JARID2: variants seen among roughly 807,000 people sequenced by gnomAD.
The protein encoded by JARID2 is jumonji and AT-rich interaction domain containing 2.
JARID2 carries 21 observed loss-of-function variants against 125.6 expected under a neutral mutation model. That is an observed-to-expected ratio of 0.17 (90% confidence interval 0.12 to 0.24). The LOEUF (loss-of-function observed/expected upper bound fraction) is 0.24, where lower values mean the gene tolerates loss of function less well. Among genes scored for constraint, JARID2 ranks in the 10% least tolerant of loss-of-function variants. The probability of loss-of-function intolerance (pLI) is 1.00; values close to 1 mark genes in which losing one functional copy is unlikely to be tolerated. For missense variants in JARID2, 1,303 were observed against 1,639.6 expected, an observed-to-expected ratio of 0.79 and a Z score of 3.55; for synonymous variants, 736 against 661.6, an observed-to-expected ratio of 1.11 and a Z score of -1.73.
chr6:15,503,173 G>A (rs952686696), intron 8 of JARID2, among the ~76,000 whole-genome samples: 5 of 152,352 alleles, frequency 3.3e-5, no homozygotes, highest in South Asian at 4.1e-4. Flanking sequence ...GGTAGGGACC[G>A]TGAGCACGCA....
chr6:15,487,673 C>CA lies in JARID2; in HGVS notation c.906+132dup, dbSNP rs557333370. 22 of 791,194 alleles carry CA rather than the reference C, an allele frequency of 2.8e-5. 1 individual carries two copies. The South Asian group carries it at 3.9e-4, about 14-fold the overall frequency. The allele number at this position is 791,194 out of a possible 1,614,324, so 49.0% of individuals were successfully genotyped here. On this transcript the variant is annotated intron_variant, in intron 6 of 17. Transcript: ENST00000341776. The stretch of plus-strand genomic sequence containing the variant: ...TGCCCAGAAGCAAGACAGGGACAGA[C>CA]AGAGCGCACCTTTGCATGAGCTGCA...
At chr6:15,287,369 AAT>A (rs1192013945) in intron 1 of JARID2, among the ~76,000 whole-genome samples, 10 of 152,336 alleles carry the variant, frequency 6.6e-5, no homozygotes, top group Non-Finnish European at 1.2e-4. Flanking sequence ...GTGATATGGT[AAT>A]ATGTTTCTTT....
chr6:15,493,148 C>CTA (rs1770238022), intron 6 of JARID2, among the ~76,000 whole-genome samples: 1 of 151,900 alleles, frequency 6.6e-6, no homozygotes, highest in Non-Finnish European at 1.5e-5. Flanking sequence ...AGGCCTTACA[C>CTA]TCTTATTTGA....
intron 1 of JARID2, among the ~76,000 whole-genome samples, chr6:15,348,648 C>T (rs1370514240): frequency 6.6e-6 from 1 of 152,122 alleles, no homozygotes; most frequent in Non-Finnish European, 1.5e-5. Flanking sequence ...ATTGCTCTTG[C>T]TTTCTTCTCG....
intron 1 of JARID2, among the ~76,000 whole-genome samples, chr6:15,311,981 T>A (rs1051646261): frequency 6.6e-6 from 1 of 152,186 alleles, no homozygotes; most frequent in African/African-American, 2.4e-5. Context: ...CAATTTAACC[T>A]AAAAAATTGT....
chr6:15,256,144 A>C (rs1019795702), intron 1 of JARID2, among the ~76,000 whole-genome samples: 1 of 152,248 alleles, frequency 6.6e-6, no homozygotes, highest in Non-Finnish European at 1.5e-5. Context: ...ATTATTACCC[A>C]GTTGGAAATC....
At chr6:15,415,272 C>G (rs960045718) in intron 3 of JARID2, among the ~76,000 whole-genome samples, 1 of 152,256 alleles carries the variant, frequency 6.6e-6, no homozygotes, top group Non-Finnish European at 1.5e-5. Flanking sequence ...CCTTTCCCCC[C>G]TTTCTATTCC....
chr6:15,405,694 TAAA>T (rs1383143668), intron 2 of JARID2, among the ~76,000 whole-genome samples: 1 of 151,952 alleles, frequency 6.6e-6, no homozygotes, highest in Non-Finnish European at 1.5e-5. Context: ...GTTGGAAAAA[TAAA>T]AACGGTTTGA....
At chr6:15,414,559 T>C (rs931317315) in intron 3 of JARID2, among the ~76,000 whole-genome samples, 1 of 152,154 alleles carries the variant, frequency 6.6e-6, no homozygotes, top group Non-Finnish European at 1.5e-5. Context: ...TATTTTTACC[T>C]AGCCATTGAA....
chr6:15,421,762 T>C (rs946183433), intron 3 of JARID2, among the ~76,000 whole-genome samples: 1 of 152,198 alleles, frequency 6.6e-6, no homozygotes, highest in Non-Finnish European at 1.5e-5. Flanking sequence ...TCACCTTCCA[T>C]AAGTTGTAGC....
intron 1 of JARID2, among the ~76,000 whole-genome samples, chr6:15,252,430 T>C (rs1268581703): frequency 6.6e-6 from 1 of 152,234 alleles, no homozygotes; most frequent in Non-Finnish European, 1.5e-5. Flanking sequence ...CCCCGCATGC[T>C]AAACTGGACT....
intron 1 of JARID2, among the ~76,000 whole-genome samples, chr6:15,308,166 C>G (rs1198611085): frequency 6.6e-6 from 1 of 152,200 alleles, no homozygotes; most frequent in Non-Finnish European, 1.5e-5. Flanking sequence ...CATTATTATA[C>G]TAGTGAATTT....
At chr6:15,438,640 A>G (rs890132788) in intron 3 of JARID2, among the ~76,000 whole-genome samples, 10 of 152,266 alleles carry the variant, frequency 6.6e-5, no homozygotes, top group South Asian at 2.1e-4. Context: ...TTTCTCTTCA[A>G]TGGTGGCTTG....
intron 13 of JARID2, 64 bp from the exon 14 acceptor site, chr6:15,512,144 C>A: frequency 6.8e-7 from 1 of 1,477,000 alleles, no homozygotes; most frequent in South Asian, 1.2e-5. Context: ...GCATACGTCA[C>A]CTGAAGACTG....
At chr6:15,464,441 G>C (rs770691690) in intron 4 of JARID2, among the ~76,000 whole-genome samples, 13 of 152,184 alleles carry the variant, frequency 8.5e-5, no homozygotes, top group Non-Finnish European at 1.3e-4. Context: ...GTTCCTTCTA[G>C]GGGAGATGCC....
intron 1 of JARID2, among the ~76,000 whole-genome samples, chr6:15,355,434 T>C (rs944099816): frequency 6.6e-6 from 1 of 151,678 alleles, no homozygotes; most frequent in African/African-American, 2.4e-5. Context: ...AAAATACTAA[T>C]AATACTAATA....
chr6:15,393,710 A>C (rs1765111229), intron 2 of JARID2, among the ~76,000 whole-genome samples: 1 of 152,184 alleles, frequency 6.6e-6, no homozygotes. Context: ...TATACACGAA[A>C]TTGTTAACAG....
chr6:15,487,534 C>G lies in JARID2; in HGVS notation c.898C>G (p.Arg300Gly), dbSNP rs375479047. The part of the protein sequence containing the change: ...PPLHRSAQDL[R>G]KQVSKVNGVT... ...TCTGCATCGGTCGGCTCAGGACTTACGGAAACAGGTAAAGTCCAGCAGGGG... is the reference window on the plus strand; with the variant it reads ...TCTGCATCGGTCGGCTCAGGACTTAGGGAAACAGGTAAAGTCCAGCAGGGG... The change falls in exon 6 of 18, where the codon CGG becomes GGG. Residue 300 changes from arginine (R) to glycine (G), a missense_variant. Arg to Gly is a moderately radical substitution (Grantham distance 125). This residue lies in a region of JARID2 where 651 missense variants were observed against 581.6 expected (regional missense o/e 1.12). Coordinates refer to ENST00000341776, the MANE Select transcript of JARID2 (RefSeq NM_004973.4). The G allele has an allele frequency of 3.7e-6, 6 of 1,604,390 alleles. 1 individual carries two copies. In the Admixed American group the frequency reaches 5.1e-5, roughly 14 times the overall value.
At chr6:15,415,315 C>T (rs1241057308) in intron 3 of JARID2, among the ~76,000 whole-genome samples, 1 of 152,250 alleles carries the variant, frequency 6.6e-6, no homozygotes, top group Non-Finnish European at 1.5e-5. Flanking sequence ...GGCCCGTTCC[C>T]AATGAGCTGC....
Sources: allele counts gnomAD v4.1 joint callset (sites outside exome capture counted in the v4.1 genomes callset), GRCh38; gene constraint gnomAD v4.1.1; regional missense constraint gnomAD v4.1.1; transcripts MANE v1.5; gene names NCBI Gene and HGNC (gene_info 2026-07-23, HGNC 2026-07-21).